The following ARB2A variants were observed in gnomAD, a reference collection of about 807,000 sequenced individuals.
ARB2A encodes the protein ARB2 cotranscriptional regulator A, also known as cotranscriptional regulator ARB2A.
chr5:93,762,467 T>C, the ARB2A span, among the ~76,000 whole-genome samples: 6 of 152,096 alleles, frequency 3.9e-5, no homozygotes. Context: ...GAAGATCAAA[T>C]GAATGAAATG....
chr5:93,857,644 C>A, the ARB2A span, among the ~76,000 whole-genome samples: 1 of 152,204 alleles, frequency 6.6e-6, no homozygotes, highest in African/African-American at 2.4e-5. Flanking sequence ...CGGAAAAGTG[C>A]AGTATTAGGG....
chr5:93,673,018 A>G, the ARB2A span, among the ~76,000 whole-genome samples: 1 of 152,180 alleles, frequency 6.6e-6, no homozygotes, highest in Non-Finnish European at 1.5e-5. Context: ...ATGAAACATA[A>G]TTGTCTCTAG....
the ARB2A span, among the ~76,000 whole-genome samples, chr5:93,951,695 T>C: frequency 6.6e-6 from 1 of 152,224 alleles, no homozygotes; most frequent in Non-Finnish European, 1.5e-5. Flanking sequence ...TCTGTTTTTA[T>C]GCCATCACCA....
chr5:93,895,668 TATATC>T, the ARB2A span, among the ~76,000 whole-genome samples: 2 of 152,202 alleles, frequency 1.3e-5, no homozygotes, highest in Admixed American at 6.5e-5. Flanking sequence ...ATCAGGAACA[TATATC>T]ATTCATTAAA....
the ARB2A span, among the ~76,000 whole-genome samples, chr5:93,623,941 T>C: frequency 1.3e-5 from 2 of 152,190 alleles, no homozygotes; most frequent in Admixed American, 1.3e-4. Context: ...GGACTGCATA[T>C]ATACATTTCA....
the ARB2A span, among the ~76,000 whole-genome samples, chr5:93,727,056 T>C: frequency 6.6e-6 from 1 of 151,996 alleles, no homozygotes; most frequent in African/African-American, 2.4e-5. Flanking sequence ...CCTGATTATG[T>C]TTTTCCTGGC....
chr5:93,725,262 TGAGGATATAA>T, the ARB2A span, among the ~76,000 whole-genome samples: 1 of 152,040 alleles, frequency 6.6e-6, no homozygotes, highest in African/African-American at 2.4e-5. Context: ...CTACCTTCTC[TGAGGATATAA>T]GAGGAAGAAC....
At chr5:94,027,621 C>A in the ARB2A span, among the ~76,000 whole-genome samples, 2 of 152,188 alleles carry the variant, frequency 1.3e-5, no homozygotes, top group Non-Finnish European at 2.9e-5. Flanking sequence ...TTAATGTACC[C>A]CCAGCCAGTA....
At chr5:93,764,779 G>A in the ARB2A span, among the ~76,000 whole-genome samples, 2 of 152,110 alleles carry the variant, frequency 1.3e-5, no homozygotes, top group Non-Finnish European at 2.9e-5. Context: ...GATGAACATC[G>A]ATGCAAAAAT....
the ARB2A span, among the ~76,000 whole-genome samples, chr5:93,842,604 G>A: frequency 6.6e-6 from 1 of 152,158 alleles, no homozygotes; most frequent in African/African-American, 2.4e-5. Flanking sequence ...AGATAGAAGA[G>A]TGGTAACTAA....
chr5:93,807,704 A>G, the ARB2A span, among the ~76,000 whole-genome samples: 1 of 152,032 alleles, frequency 6.6e-6, no homozygotes, highest in African/African-American at 2.4e-5. Flanking sequence ...ACTGTTTTAA[A>G]AACAAAAATA....
the ARB2A span, among the ~76,000 whole-genome samples, chr5:93,816,353 T>C: frequency 8.3e-4 from 127 of 152,342 alleles, no homozygotes; most frequent in Non-Finnish European, 1.7e-3. Flanking sequence ...ATATTTGCAG[T>C]AAAATACAAA....
the ARB2A span, among the ~76,000 whole-genome samples, chr5:93,763,654 C>G: frequency 6.6e-6 from 1 of 152,144 alleles, no homozygotes; most frequent in Admixed American, 6.5e-5. Flanking sequence ...AGAAAGTTAA[C>G]AAGGATACCC....
the ARB2A span, among the ~76,000 whole-genome samples, chr5:93,649,290 A>G: frequency 6.6e-6 from 1 of 152,184 alleles, no homozygotes; most frequent in South Asian, 2.1e-4. Flanking sequence ...TAAACTCTGG[A>G]CAAAATATAA....
the ARB2A span, among the ~76,000 whole-genome samples, chr5:93,632,663 C>T: frequency 6.6e-6 from 1 of 152,148 alleles, no homozygotes; most frequent in Non-Finnish European, 1.5e-5. Flanking sequence ...TTTAACCCTT[C>T]CTGACTGCAC....
chr5:93,689,382 T>A, the ARB2A span, among the ~76,000 whole-genome samples: 6 of 152,166 alleles, frequency 3.9e-5, no homozygotes, highest in African/African-American at 1.4e-4. Flanking sequence ...TGGCTGAATA[T>A]AAGTGAAGGG....
chr5:93,935,463 T>C, the ARB2A span, among the ~76,000 whole-genome samples: 13 of 152,154 alleles, frequency 8.5e-5, no homozygotes, highest in African/African-American at 3.1e-4. Context: ...GTACAAAGCA[T>C]AGAAGAAGCA....
the ARB2A span, among the ~76,000 whole-genome samples, chr5:94,084,266 C>G: frequency 1.4e-5 from 1 of 71,460 alleles, no homozygotes; most frequent in Non-Finnish European, 2.5e-5. Flanking sequence ...AGGAGCAAAA[C>G]TTCATCTCAA....
the ARB2A span, among the ~76,000 whole-genome samples, chr5:94,102,454 C>T: frequency 6.6e-6 from 1 of 151,996 alleles, no homozygotes; most frequent in Non-Finnish European, 1.5e-5. Context: ...TTCGAATGAA[C>T]TCAATCAGAC....
Sources: gnomAD v4.1 joint callset for allele counts (sites outside exome capture counted in the v4.1 genomes callset) on GRCh38, gnomAD v4.1.1 for gene constraint, MANE v1.5 for transcripts, NCBI Gene and HGNC (gene_info 2026-07-23, HGNC 2026-07-21) for gene names.